The following ZNF57 variants were observed in gnomAD, a reference collection of about 807,000 sequenced individuals.
The protein encoded by ZNF57 is zinc finger protein 57.
ZNF57 carries 11 observed loss-of-function variants against 13.4 expected under a neutral mutation model. That is an observed-to-expected ratio of 0.82 (90% CI 0.52 to 1.36). The LOEUF (loss-of-function observed/expected upper bound fraction) is 1.36. ZNF57 is among the 40% of genes most tolerant of loss of function. The pLI, the probability that ZNF57 is intolerant of heterozygous loss-of-function variation, is 0.00. For missense variants in ZNF57, 696 were observed against 667.5 expected (o/e 1.04, Z -0.47); for synonymous variants, 224 against 238.5 (o/e 0.94, Z 0.56).
intron 3 of ZNF57, 110 bp downstream of exon 3, chr19:2,916,359 C>T: frequency 2.0e-6 from 2 of 1,025,138 alleles, no homozygotes; most frequent in Non-Finnish European, 2.7e-6. Flanking sequence ...AGAATTTTAA[C>T]CAAAAAAAAA....
Position 2,917,048 on chromosome 19 carries a change from AC to A in ZNF57, c.429del (p.Lys144SerfsTer72). The A allele has an allele frequency of 6.2e-7, 1 of 1,614,234 alleles. No homozygotes were observed. Among genetic ancestry groups the A allele is most frequent in the Non-Finnish European group, 8.5e-7 (1 of 1,180,044 alleles). On this transcript the variant is annotated frameshift_variant, in exon 4 of 4. Transcript: ENST00000306908. LOFTEE classifies it low-confidence loss of function (END_TRUNC). ...VSAGEKPYEC[T>X]KCRTVFTHLS... ...TGCTGGAGAAAAACCATATGAATGC[AC>A]CAAGTGCAGGACAGTCTTCACGCAT...
At chr19:2,904,419 G>A (rs1599595619) in intron 1 of ZNF57, among the ~76,000 whole-genome samples, 2 of 152,262 alleles carry the variant, frequency 1.3e-5, no homozygotes, top group African/African-American at 2.4e-5. Context: ...GTGGCTCACT[G>A]CAGTCTCAAA....
chr19:2,911,378 A>T (rs1300652509), intron 1 of ZNF57, among the ~76,000 whole-genome samples: 2 of 151,882 alleles, frequency 1.3e-5, no homozygotes, highest in Non-Finnish European at 2.9e-5. Flanking sequence ...AAAAATACCA[A>T]AAAAATTAGC....
At chr19:2,916,315 A>C (rs977942786) in intron 3 of ZNF57, 66 bp downstream of exon 3, 1 of 1,387,522 alleles carries the variant, frequency 7.2e-7, no homozygotes, top group Non-Finnish European at 9.6e-7. Context: ...TATTGCTCCA[A>C]ATATAAGCAT....
At chr19:2,909,275 A>ATTTTTTTT (rs1258331033) in intron 1 of ZNF57, among the ~76,000 whole-genome samples, 40 of 103,778 alleles carry the variant, frequency 3.9e-4, no homozygotes, top group Non-Finnish European at 6.7e-4. Context: ...TATTTTATTT[A>ATTTTTTTT]TTTTTGTTTT....
chr19:2,912,775 T>A (rs1042805133), intron 1 of ZNF57, among the ~76,000 whole-genome samples: 10 of 152,242 alleles, frequency 6.6e-5, no homozygotes, highest in Non-Finnish European at 5.9e-5. Flanking sequence ...ACCAGCAATG[T>A]GTGAAGATTC....
chr19:2,905,819 G>A (rs1428176889), intron 1 of ZNF57, among the ~76,000 whole-genome samples: 4 of 149,934 alleles, frequency 2.7e-5, no homozygotes, highest in African/African-American at 7.4e-5. Flanking sequence ...AAACCTGATT[G>A]TTCTTAGACA....
chr19:2,915,435 A>C, intron 1 of ZNF57, 87 bp from the exon 2 acceptor site: 2 of 1,542,556 alleles, frequency 1.3e-6, no homozygotes, highest in Admixed American at 1.9e-5. Flanking sequence ...ACACCACAGA[A>C]TCTTGTTTGA....
In ZNF57 at chr19:2,900,954, C is replaced by A. The variant is rs1400947875; in HGVS notation, c.-92C>A. Reference sequence around the variant, plus strand: ...TCCCTGCCGCGCGTGCCCTGCCTACCACGAGCGGCCCGGGAGTACCTGTAC... The same window carrying A: ...TCCCTGCCGCGCGTGCCCTGCCTACAACGAGCGGCCCGGGAGTACCTGTAC... On this transcript the variant is annotated 5_prime_UTR_variant, in exon 1 of 4. Coordinates refer to ENST00000306908, the MANE Select transcript of ZNF57 (RefSeq NM_173480.3). 2 of 1,513,566 alleles carry A rather than the reference C, an allele frequency of 1.3e-6. No individual in the cohort carries two copies. The highest frequency in any genetic ancestry group is 1.8e-6 in the Non-Finnish European group (2 of 1,120,574). 93.8% of individuals were successfully genotyped at this position (1,513,566 alleles called of 1,614,324 possible).
chr19:2,911,949 T>C (rs1407689472), intron 1 of ZNF57, among the ~76,000 whole-genome samples: 1 of 152,250 alleles, frequency 6.6e-6, no homozygotes, highest in Admixed American at 6.5e-5. Flanking sequence ...CCCTGCCATA[T>C]ATGAGGGGTT....
rs1185182813 is a variant in ZNF57 at position 2,910,695 on chromosome 19, C to G, written c.4-4827C>G. ...CACGATGGTCTCAATCTCCTGACATCGTGATCTGCCCGCCTCGGCCTCCCG... is the reference window on the plus strand; with the variant it reads ...CACGATGGTCTCAATCTCCTGACATGGTGATCTGCCCGCCTCGGCCTCCCG... On this transcript the variant is annotated intron_variant, in intron 1 of 3. Transcript: ENST00000306908. 1.8e-5 allele frequency among the ~76,000 whole-genome samples: 2 copies of G among 113,704 alleles called. 1 individual carries two copies. Among genetic ancestry groups the G allele is most frequent in the Admixed American group, 2.0e-4 (2 of 9,788 alleles). 74.6% of individuals were successfully genotyped at this position (113,704 alleles called of 152,430 possible). A position where few individuals can be genotyped will look rare whatever the true frequency, so the allele number is the denominator to read the frequency against.
chr19:2,906,238 G>T (rs1048423120), intron 1 of ZNF57, among the ~76,000 whole-genome samples: 8 of 152,148 alleles, frequency 5.3e-5, no homozygotes, highest in Admixed American at 5.2e-4. Context: ...AATTTTTATA[G>T]AGCTGGGGTC....
intron 1 of ZNF57, among the ~76,000 whole-genome samples, chr19:2,903,403 G>T (rs1197235715): frequency 6.6e-6 from 1 of 152,044 alleles, no homozygotes; most frequent in Non-Finnish European, 1.5e-5. Context: ...GTAGAGACGG[G>T]GTTTCGCCAT....
At chr19:2,902,262 G>A (rs988416995) in intron 1 of ZNF57, among the ~76,000 whole-genome samples, 1 of 152,102 alleles carries the variant, frequency 6.6e-6, no homozygotes, top group Non-Finnish European at 1.5e-5. Context: ...TTTTGTTGCA[G>A]GGTATCACTA....
intron 1 of ZNF57, among the ~76,000 whole-genome samples, chr19:2,908,127 T>C (rs938199510): frequency 1.3e-5 from 2 of 152,374 alleles, no homozygotes; most frequent in South Asian, 4.1e-4. Flanking sequence ...CCAACTATTA[T>C]GAAGTAGAAA....
At chr19:2,907,333 C>T (rs2088084947) in intron 1 of ZNF57, among the ~76,000 whole-genome samples, 1 of 152,080 alleles carries the variant, frequency 6.6e-6, no homozygotes, top group Non-Finnish European at 1.5e-5. Context: ...GGTGCAGCAG[C>T]TCGCCCCACC....
Position 2,917,700 on chromosome 19 carries a change from G to T in ZNF57, c.1079G>T (p.Gly360Val), listed in dbSNP as rs1009191056. Residue 360 changes from glycine (G) to valine (V), a missense_variant, in exon 4 of 4, where the codon GGA becomes GTA. Coordinates refer to ENST00000306908, the MANE Select transcript of ZNF57 (RefSeq NM_173480.3). ...CAAGGTCATTTGAGGACGCACACTG[G>T]AGAGAAACCTTATGAGTGTAAACAA... ...SFQGHLRTHT[G>V]EKPYECKQCG... 1.2e-6 allele frequency: 2 copies of T among 1,613,810 alleles called. No homozygotes were observed. The highest frequency in any genetic ancestry group is 2.2e-5 in the East Asian group (1 of 44,864).
chr19:2,903,621 C>T (rs1434415040), intron 1 of ZNF57, among the ~76,000 whole-genome samples: 1 of 152,220 alleles, frequency 6.6e-6, no homozygotes. Context: ...CTGTTCTGCC[C>T]CCAGGGTAAC....
chr19:2,913,433 A>C (rs2088158469), intron 1 of ZNF57, among the ~76,000 whole-genome samples: 1 of 152,112 alleles, frequency 6.6e-6, no homozygotes, highest in African/African-American at 2.4e-5. Flanking sequence ...GTTGATTTGC[A>C]ATCTTTAGGA....
Sources: allele counts gnomAD v4.1 joint callset (sites outside exome capture counted in the v4.1 genomes callset), GRCh38; gene constraint gnomAD v4.1.1; transcripts MANE v1.5; gene names NCBI Gene and HGNC (gene_info 2026-07-23, HGNC 2026-07-21).